TLN2: variants seen among roughly 807,000 people sequenced by gnomAD.
TLN2 encodes the protein talin 2.
A neutral mutation model predicts 294.7 loss-of-function variants in TLN2; 118 were observed. That is an observed-to-expected ratio of 0.40 (90% CI 0.34 to 0.47). TLN2 has a LOEUF of 0.47. TLN2 is among the 20% of genes least tolerant of loss of function. The probability of loss-of-function intolerance (pLI) is 0.84; values close to 1 mark genes in which losing one functional copy is unlikely to be tolerated. For synonymous variants in TLN2, 1,431 were observed against 1,304.5 expected (o/e 1.10, Z -2.09); for missense variants, 3,083 against 3,282.2 (o/e 0.94, Z 1.48).
intron 32 of TLN2, among the ~76,000 whole-genome samples, chr15:62,748,113 G>A (rs1048677964): frequency 6.6e-6 from 1 of 152,118 alleles, no homozygotes; most frequent in Non-Finnish European, 1.5e-5. Flanking sequence ...AAGGTCAACT[G>A]TATTAGGACC....
intron 9 of TLN2, among the ~76,000 whole-genome samples, chr15:62,665,096 A>G (rs1016348503): frequency 6.6e-6 from 1 of 152,092 alleles, no homozygotes; most frequent in Non-Finnish European, 1.5e-5. Flanking sequence ...TTGTTGAGAC[A>G]AGGTGTCACT....
chr15:62,468,234 C>A (rs1014601946), intron 1 of TLN2, among the ~76,000 whole-genome samples: 2 of 152,018 alleles, frequency 1.3e-5, no homozygotes, highest in African/African-American at 4.8e-5. Flanking sequence ...TAAGAGTTGA[C>A]CTAAACTAGG....
Position 62,784,063 on chromosome 15 carries a change from A to C in TLN2, c.5736+173A>C, listed in dbSNP as rs2064426983. 3 of 1,165,414 alleles carry C rather than the reference A, an allele frequency of 2.6e-6. No homozygotes were observed. The Admixed American group carries it at 8.2e-5, about 32-fold the overall frequency. The allele number at this position is 1,165,414 out of a possible 1,614,324, so 72.2% of individuals were successfully genotyped here. ...TCCAGACCAGGTAGCCCCAGGCTGT[A>C]CTCAAGTCTCACTGCCCCTTATGGG... On this transcript the variant is annotated intron_variant, in intron 45 of 58. Transcript: ENST00000636159.
In TLN2 at chr15:62,715,896, G is replaced by T. The variant is rs147641958; in HGVS notation, c.2635-435G>T. ...TCTGTCCCCACCTGAGTTGATACTG[G>T]ACTCTTACCCCTTCACATTTACCTG... On this transcript the variant is annotated intron_variant, in intron 22 of 58. Transcript: ENST00000636159. Among the ~76,000 whole-genome samples, 790 of 152,212 alleles carry T rather than the reference G, an allele frequency of 5.2e-3. 3 individuals carry two copies. Among genetic ancestry groups the T allele is most frequent in the African/African-American group, 0.016 (667 of 41,538 alleles).
At chr15:62,799,512 A>C (rs1567632624) in intron 48 of TLN2, among the ~76,000 whole-genome samples, 1 of 152,224 alleles carries the variant, frequency 6.6e-6, no homozygotes, top group Admixed American at 6.5e-5. Flanking sequence ...CAGATAATGC[A>C]TCACATCCAG....
At chr15:62,594,061 T>C (rs1166345737) in intron 2 of TLN2, among the ~76,000 whole-genome samples, 3 of 152,220 alleles carry the variant, frequency 2.0e-5, no homozygotes, top group South Asian at 2.1e-4. Flanking sequence ...CTGGAGGCAT[T>C]ATACTACCTT....
chr15:62,676,328 A>C (rs969470672), intron 11 of TLN2, among the ~76,000 whole-genome samples: 1 of 152,240 alleles, frequency 6.6e-6, no homozygotes, highest in Non-Finnish European at 1.5e-5. Context: ...TACATTAACC[A>C]AACTAGCTCT....
chr15:62,735,410 A>G (rs768128473), intron 28 of TLN2, among the ~76,000 whole-genome samples: 1 of 152,226 alleles, frequency 6.6e-6, no homozygotes, highest in Non-Finnish European at 1.5e-5. Context: ...TCATCTGTTT[A>G]GATGCAAATT....
chr15:62,755,658 G>A lies in TLN2; in HGVS notation c.4603G>A (p.Ala1535Thr), dbSNP rs779305494. ...CTTCGTCCAGTCAGCCAAGGAAGTC[G>A]CCAACAGCACTGCCAACCTGGTGAA... is the stretch of plus-strand genomic sequence containing the variant. The part of the protein sequence containing the change: ...RHFVQSAKEV[A>T]NSTANLVKTI... Residue 1535 changes from alanine (A) to threonine (T), a missense_variant, in exon 37 of 59, where the codon GCC (alanine) becomes ACC (threonine). Physicochemically the swap from Ala to Thr is moderately conservative, Grantham distance 58 (BLOSUM62 0). Transcript: ENST00000636159. 3.7e-6 allele frequency: 6 copies of A among 1,614,240 alleles called. No homozygotes were observed. The highest frequency in any genetic ancestry group is 1.1e-5 in the South Asian group (1 of 91,082).
chr15:62,653,092 A>C, intron 6 of TLN2, 70 bp from the exon 7 acceptor site: 1 of 1,319,960 alleles, frequency 7.6e-7, no homozygotes, highest in Non-Finnish European at 1.0e-6. Flanking sequence ...GGAATATCAC[A>C]GGCCTTAGGC....
intron 1 of TLN2, among the ~76,000 whole-genome samples, chr15:62,582,982 T>C (rs1342765075): frequency 6.6e-6 from 1 of 152,210 alleles, no homozygotes; most frequent in Non-Finnish European, 1.5e-5. Context: ...TTAGACACTT[T>C]ATCCCTGCTC....
At chr15:62,509,316 T>C (rs2140448027) in intron 1 of TLN2, among the ~76,000 whole-genome samples, 1 of 152,368 alleles carries the variant, frequency 6.6e-6, no homozygotes, top group South Asian at 2.1e-4. Context: ...TGTATGTTAA[T>C]ACTTTAGTTT....
intron 1 of TLN2, among the ~76,000 whole-genome samples, chr15:62,492,034 C>A (rs951007566): frequency 2.6e-5 from 4 of 151,992 alleles, no homozygotes; most frequent in Non-Finnish European, 5.9e-5. Context: ...TTAATAATTA[C>A]TAAATGTCTA....
At chr15:62,639,695 CG>C (rs1383854652) in intron 3 of TLN2, among the ~76,000 whole-genome samples, 1 of 152,198 alleles carries the variant, frequency 6.6e-6, no homozygotes, top group Non-Finnish European at 1.5e-5. Flanking sequence ...AGCTTACTAT[CG>C]CATGGAGCGC....
intron 53 of TLN2, 78 bp downstream of exon 53, chr15:62,819,699 G>C: frequency 7.6e-7 from 1 of 1,307,830 alleles, no homozygotes; most frequent in Non-Finnish European, 1.1e-6. Context: ...CAGAGGAAAA[G>C]CACAGACGGC....
chr15:62,467,415 G>C (rs771374623), intron 1 of TLN2, among the ~76,000 whole-genome samples: 1 of 152,174 alleles, frequency 6.6e-6, no homozygotes, highest in Non-Finnish European at 1.5e-5. Flanking sequence ...TTTTAAGGCC[G>C]GCTGTGGTGG....
At chr15:62,810,277 A>G (rs2066592143) in intron 52 of TLN2, among the ~76,000 whole-genome samples, 1 of 152,162 alleles carries the variant, frequency 6.6e-6, no homozygotes, top group Non-Finnish European at 1.5e-5. Context: ...TGCACCTAAA[A>G]GGCAGGAATA....
At chr15:62,565,347 A>C (rs556151983) in intron 1 of TLN2, among the ~76,000 whole-genome samples, 4 of 152,266 alleles carry the variant, frequency 2.6e-5, no homozygotes, top group African/African-American at 7.2e-5. Flanking sequence ...AAGTATATAC[A>C]TAATAAATTG....
intron 1 of TLN2, among the ~76,000 whole-genome samples, chr15:62,455,173 C>T (rs2036395773): frequency 7.0e-6 from 1 of 143,740 alleles, no homozygotes; most frequent in African/African-American, 2.6e-5. Context: ...ATTGTGGTGC[C>T]TCCTGAGAGT....
Sources: gnomAD v4.1 joint callset for allele counts (sites outside exome capture counted in the v4.1 genomes callset) on GRCh38, gnomAD v4.1.1 for gene constraint, MANE v1.5 for transcripts, NCBI Gene and HGNC (gene_info 2026-07-23, HGNC 2026-07-21) for gene names.